Variants in MIPEP observed in about 807,000 individuals in gnomAD.
The protein encoded by MIPEP is mitochondrial intermediate peptidase.
Under a neutral mutation model 90.3 loss-of-function variants are expected in MIPEP, and 79 were observed. That is an observed-to-expected ratio of 0.87 (90% confidence interval 0.73 to 1.05). The LOEUF (loss-of-function observed/expected upper bound fraction) is 1.05, where lower values mean the gene tolerates loss of function less well. Ranked by LOEUF, MIPEP falls within the 50% of genes least tolerant of loss-of-function variation. The probability of loss-of-function intolerance (pLI) is 0.00; values close to 1 mark genes in which losing one functional copy is unlikely to be tolerated. For missense variants in MIPEP, 940 were observed against 905.6 expected (o/e 1.04, Z -0.49); for synonymous variants, 334 against 315.8 (o/e 1.06, Z -0.61).
intron 2 of MIPEP, among the ~76,000 whole-genome samples, chr13:23,882,753 A>G (rs1247858483): frequency 2.0e-5 from 3 of 152,190 alleles, no homozygotes; most frequent in South Asian, 2.1e-4. Flanking sequence ...TTTTAATGCC[A>G]AAACATTTAA....
chr13:23,829,468 T>C (rs1199606450), intron 14 of MIPEP, among the ~76,000 whole-genome samples: 1 of 151,948 alleles, frequency 6.6e-6, no homozygotes, highest in African/African-American at 2.4e-5. Context: ...AAAGACAAGA[T>C]TGATAAATCC....
intron 11 of MIPEP, among the ~76,000 whole-genome samples, chr13:23,841,076 T>A (rs929749598): frequency 6.6e-6 from 1 of 152,242 alleles, no homozygotes; most frequent in African/African-American, 2.4e-5. Flanking sequence ...AATTTGTGGA[T>A]ATATGAAGGT....
intron 12 of MIPEP, 29 bp downstream of exon 12, chr13:23,839,620 G>T (rs1347050942): frequency 1.3e-6 from 2 of 1,545,252 alleles, no homozygotes; most frequent in East Asian, 4.5e-5. Context: ...ATCGGTTCTA[G>T]AGAGACCAGT....
rs986756032 is a variant in MIPEP at position 23,876,571 on chromosome 13, T to C, written c.540-1662A>G. Among the ~76,000 whole-genome samples, 6 of 150,586 alleles carry C rather than the reference T, an allele frequency of 4.0e-5. No homozygotes were observed. In the East Asian group the frequency reaches 1.0e-3, roughly 25 times the overall value. ...TGAGAGTTTCACAAACAGAATCTTT[T>C]GCCCATTTTTCTATAAGGGGGGTTT... On this transcript the variant is annotated intron_variant, in intron 4 of 18. Transcript: ENST00000382172.
intron 10 of MIPEP, among the ~76,000 whole-genome samples, chr13:23,857,844 A>G (rs1393383237): frequency 6.6e-6 from 1 of 152,234 alleles, no homozygotes; most frequent in Non-Finnish European, 1.5e-5. Flanking sequence ...TAAATAATTA[A>G]GCAAATACTT....
chr13:23,880,618 A>C (rs1429083783), intron 3 of MIPEP, among the ~76,000 whole-genome samples: 1 of 152,174 alleles, frequency 6.6e-6, no homozygotes, highest in East Asian at 1.9e-4. Flanking sequence ...CCTTTCCCCG[A>C]GAGGCAAAGC....
At chr13:23,838,912 C>T (rs1477660439) in intron 12 of MIPEP, among the ~76,000 whole-genome samples, 2 of 152,262 alleles carry the variant, frequency 1.3e-5, no homozygotes, top group East Asian at 3.8e-4. Context: ...CCCACAGTGG[C>T]TGTCCAGAAT....
intron 18 of MIPEP, among the ~76,000 whole-genome samples, chr13:23,736,973 C>T (rs377132081): frequency 1.3e-5 from 2 of 152,330 alleles, no homozygotes; most frequent in East Asian, 3.9e-4. Flanking sequence ...TATATTGCCT[C>T]ATGCCCCGAA....
At chr13:23,787,167 A>C (rs928341336) in intron 16 of MIPEP, among the ~76,000 whole-genome samples, 2 of 152,238 alleles carry the variant, frequency 1.3e-5, no homozygotes, top group Non-Finnish European at 2.9e-5. Flanking sequence ...AAAAATGTAC[A>C]AAGTTTAAAC....
intron 14 of MIPEP, among the ~76,000 whole-genome samples, chr13:23,826,734 G>C (rs1413499899): frequency 6.6e-6 from 1 of 151,950 alleles, no homozygotes; most frequent in Non-Finnish European, 1.5e-5. Flanking sequence ...GAAATCAGAA[G>C]AAAAAAACAA....
intron 15 of MIPEP, 152 bp downstream of exon 15, chr13:23,809,698 G>A: frequency 1.8e-6 from 1 of 566,512 alleles, no homozygotes; most frequent in Non-Finnish European, 3.1e-6. Context: ...GACTAAATGA[G>A]TCAATTTTGG....
At chr13:23,732,674 A>G (rs148454370) in intron 18 of MIPEP, among the ~76,000 whole-genome samples, 4 of 152,226 alleles carry the variant, frequency 2.6e-5, no homozygotes, top group African/African-American at 9.6e-5. Context: ...AGCAGTACAT[A>G]CTGTTTGATT....
At chr13:23,863,703 T>G (rs145288782) in intron 8 of MIPEP, among the ~76,000 whole-genome samples, 1 of 152,076 alleles carries the variant, frequency 6.6e-6, no homozygotes, top group Non-Finnish European at 1.5e-5. Flanking sequence ...AGTAGAACAC[T>G]TCAGCTTGAA....
chr13:23,738,786 C>T (rs1456671965), intron 18 of MIPEP, among the ~76,000 whole-genome samples: 1 of 152,134 alleles, frequency 6.6e-6, no homozygotes, highest in Admixed American at 6.5e-5. Context: ...TCCAGTGGAC[C>T]TAAAAGTGGA....
intron 16 of MIPEP, among the ~76,000 whole-genome samples, chr13:23,786,393 A>G (rs1952840198): frequency 6.6e-6 from 1 of 152,218 alleles, no homozygotes; most frequent in Non-Finnish European, 1.5e-5. Flanking sequence ...TAAGCATAAC[A>G]GGAAACGGAA....
intron 18 of MIPEP, 61 bp downstream of exon 18, chr13:23,756,483 AC>A (rs752960661): frequency 2.0e-5 from 30 of 1,523,716 alleles, no homozygotes; most frequent in Middle Eastern, 1.7e-4. Context: ...AATGAAAAAA[AC>A]ATATGGAGAA....
chr13:23,830,841 T>C (rs990193993), intron 14 of MIPEP, among the ~76,000 whole-genome samples: 1 of 152,236 alleles, frequency 6.6e-6, no homozygotes, highest in Non-Finnish European at 1.5e-5. Flanking sequence ...GGATGGTTTC[T>C]AGTTCATCAG....
chr13:23,755,494 A>G (rs925043931), intron 18 of MIPEP, among the ~76,000 whole-genome samples: 1 of 152,244 alleles, frequency 6.6e-6, no homozygotes, highest in Admixed American at 6.5e-5. Flanking sequence ...CTCAATTACT[A>G]CAATGAAAAC....
intron 16 of MIPEP, among the ~76,000 whole-genome samples, chr13:23,791,528 C>T (rs1167322385): frequency 2.0e-5 from 3 of 152,176 alleles, no homozygotes; most frequent in Non-Finnish European, 4.4e-5. Flanking sequence ...TTTGTTCACA[C>T]ACCCTAAAGA....
Sources: allele counts gnomAD v4.1 joint callset (sites outside exome capture counted in the v4.1 genomes callset), GRCh38; gene constraint gnomAD v4.1.1; transcripts MANE v1.5; gene names NCBI Gene and HGNC (gene_info 2026-07-23, HGNC 2026-07-21).